Variants in PLEKHA2 observed in about 807,000 individuals in gnomAD.
The protein encoded by PLEKHA2 is pleckstrin homology domain-containing family A member 2.
A neutral mutation model predicts 53.2 loss-of-function variants in PLEKHA2; 28 were observed. The ratio of observed to expected loss-of-function variants is 0.53; its 90% CI spans 0.39 to 0.72. The LOEUF is 0.72. PLEKHA2 is among the 30% of genes least tolerant of loss of function. The pLI is 0.00. For synonymous variants in PLEKHA2, 193 were observed against 196.4 expected (o/e 0.98, Z 0.14); for missense variants, 426 against 537.9 (o/e 0.79, Z 2.06).
chr8:38,969,642 C>T lies in PLEKHA2; in HGVS notation c.1137C>T (p.Phe379=). 1 of 1,599,886 alleles carries T rather than the reference C, an allele frequency of 6.3e-7. No homozygotes were observed. Among genetic ancestry groups the T allele is most frequent in the Admixed American group, 1.7e-5 (1 of 57,662 alleles). ...GAGACACTTCAGAGGACTCCTTGTT[C>T]ACGCCTCGTCCTGGGGAGGGCAGCG... ...PPGDTSEDSL[F]TPRPGEGSAP... is the part of the protein sequence containing the mutation. The change falls in exon 12 of 12, where the codon TTC becomes TTT. Residue 379 remains phenylalanine, a synonymous_variant. Coordinates refer to ENST00000617275, the MANE Select transcript of PLEKHA2 (RefSeq NM_021623.2).
intron 1 of PLEKHA2, among the ~76,000 whole-genome samples, chr8:38,906,146 T>C (rs568883114): frequency 1.3e-5 from 2 of 152,372 alleles, no homozygotes; most frequent in African/African-American, 4.8e-5. Context: ...ACTTTCACAA[T>C]TCTGAAAGTT....
At chr8:38,954,372 G>C (rs567999957) in intron 9 of PLEKHA2, among the ~76,000 whole-genome samples, 6 of 152,322 alleles carry the variant, frequency 3.9e-5, no homozygotes, top group African/African-American at 1.4e-4. Flanking sequence ...GGCTCTAGAA[G>C]TAGGCAGAGG....
intron 5 of PLEKHA2, among the ~76,000 whole-genome samples, chr8:38,950,064 G>A (rs1203482991): frequency 2.6e-5 from 4 of 151,354 alleles, no homozygotes; most frequent in East Asian, 1.9e-4. Flanking sequence ...TATTTTTTTC[G>A]AGACAGGGTC....
intron 2 of PLEKHA2, among the ~76,000 whole-genome samples, chr8:38,924,411 G>A (rs897089426): frequency 5.9e-5 from 9 of 152,146 alleles, no homozygotes; most frequent in Non-Finnish European, 1.3e-4. Context: ...ATGTTCCCGC[G>A]GGGACTGTGA....
chr8:38,903,965 C>T (rs923679514), intron 1 of PLEKHA2, among the ~76,000 whole-genome samples: 2 of 152,122 alleles, frequency 1.3e-5, no homozygotes, highest in Non-Finnish European at 2.9e-5. Context: ...GATGGGACTC[C>T]AGCAATCTAA....
intron 4 of PLEKHA2, among the ~76,000 whole-genome samples, chr8:38,945,621 G>C (rs1834699326): frequency 6.6e-6 from 1 of 152,170 alleles, no homozygotes; most frequent in Non-Finnish European, 1.5e-5. Context: ...AATGCTCAGA[G>C]GAAAGAACAG....
chr8:38,960,073 A>T (rs1170997778), intron 10 of PLEKHA2, among the ~76,000 whole-genome samples: 1 of 152,190 alleles, frequency 6.6e-6, no homozygotes, highest in Non-Finnish European at 1.5e-5. Context: ...GAAACACGAA[A>T]CCCAACCAAA....
intron 3 of PLEKHA2, among the ~76,000 whole-genome samples, chr8:38,937,644 C>T (rs1475713804): frequency 6.6e-6 from 1 of 152,156 alleles, no homozygotes; most frequent in Non-Finnish European, 1.5e-5. Flanking sequence ...TTAGCCCCTT[C>T]CCGAGAAAGG....
At chr8:38,916,045 G>C (rs966942421) in intron 1 of PLEKHA2, among the ~76,000 whole-genome samples, 1 of 151,986 alleles carries the variant, frequency 6.6e-6, no homozygotes, top group African/African-American at 2.4e-5. Flanking sequence ...GTGTGATCTC[G>C]TCTCACTATA....
chr8:38,952,380 G>A, intron 7 of PLEKHA2, 68 bp downstream of exon 7: 2 of 1,560,878 alleles, frequency 1.3e-6, no homozygotes, highest in Non-Finnish European at 1.7e-6. Context: ...TGTAGACATA[G>A]CAGAGGTGAG....
chr8:38,968,323 G>T (rs1363343740), intron 10 of PLEKHA2, among the ~76,000 whole-genome samples: 3 of 152,142 alleles, frequency 2.0e-5, no homozygotes, highest in Admixed American at 6.5e-5. Flanking sequence ...CTTCAGCAGC[G>T]GATAGGGTCT....
intron 10 of PLEKHA2, 24 bp from the exon 11 acceptor site, chr8:38,968,568 G>GT (rs1418111253): frequency 6.2e-7 from 1 of 1,612,784 alleles, no homozygotes; most frequent in Non-Finnish European, 8.5e-7. Context: ...AAATTTCTTG[G>GT]TAAGAGCCAT....
intron 2 of PLEKHA2, among the ~76,000 whole-genome samples, chr8:38,918,918 C>T (rs951156650): frequency 6.6e-6 from 1 of 152,250 alleles, no homozygotes; most frequent in Non-Finnish European, 1.5e-5. Context: ...CAGCCAGGAT[C>T]TGCCAGTGAG....
rs200055750 is a variant in PLEKHA2, at chr8:38,923,520, T to TA, written c.141+5451dup. The stretch of plus-strand genomic sequence containing the variant: ...CCGCGCCCAGCCTGTAGGTGATCCT[T>TA]ACGTGCCTTTTATCCTTTCATTTCC... On this transcript the variant is annotated intron_variant, in intron 2 of 11. Transcript: ENST00000617275. Among the ~76,000 whole-genome samples the TA allele has an allele frequency of 8.6e-3, 1,315 of 152,314 alleles. 12 individuals are homozygous for TA. The highest frequency in any genetic ancestry group is 0.031 in the Middle Eastern group (9 of 294).
intron 5 of PLEKHA2, among the ~76,000 whole-genome samples, chr8:38,950,261 T>C (rs2129421972): frequency 1.3e-5 from 2 of 152,254 alleles, no homozygotes; most frequent in East Asian, 1.9e-4. Context: ...CTTGAACTCC[T>C]GGGCTCAAGT....
At chr8:38,934,160 A>G (rs1168432819) in intron 2 of PLEKHA2, among the ~76,000 whole-genome samples, 1 of 151,648 alleles carries the variant, frequency 6.6e-6, no homozygotes, top group Non-Finnish European at 1.5e-5. Context: ...AGAAGAAAAT[A>G]TATATATATA....
In PLEKHA2 at chr8:38,952,290, A is replaced by C; in HGVS notation, c.611A>C (p.Tyr204Ser). 1.9e-6 allele frequency: 3 copies of C among 1,612,894 alleles called. No homozygotes were observed. Among genetic ancestry groups the C allele is most frequent in the Non-Finnish European group, 2.5e-6 (3 of 1,179,550 alleles). Residue 204 changes from tyrosine (Y) to serine (S), a missense_variant, in exon 7 of 12, where the codon TAC becomes TCC. Transcript: ENST00000617275. ...STGPPLIKSG[Y>S]CVKQGNVRKS... ...GGGCCTCCCCTCATTAAGAGTGGTT[A>C]CTGCGTGAAGCAAGGGAATGTGGTG...
chr8:38,966,597 G>C (rs900355070), intron 10 of PLEKHA2, among the ~76,000 whole-genome samples: 2 of 152,174 alleles, frequency 1.3e-5, no homozygotes, highest in Admixed American at 1.3e-4. Flanking sequence ...AGGCTCCACC[G>C]GCAGTAGCGA....
intron 1 of PLEKHA2, chr8:38,901,890 C>T (rs1259790252): frequency 1.3e-5 from 2 of 152,374 alleles, no homozygotes; most frequent in African/African-American, 4.8e-5. Flanking sequence ...AGAACGTCCC[C>T]AGGCAAGTCC....
Sources: allele counts gnomAD v4.1 joint callset (sites outside exome capture counted in the v4.1 genomes callset), GRCh38; gene constraint gnomAD v4.1.1; transcripts MANE v1.5; gene names NCBI Gene and HGNC (gene_info 2026-07-23, HGNC 2026-07-21).